TNFRSF13B: variants seen among roughly 807,000 people sequenced by gnomAD.
TNFRSF13B encodes TNF receptor superfamily member 13B, also known as tumor necrosis factor receptor superfamily member 13B.
TNFRSF13B carries 34 observed loss-of-function variants against 24.0 expected under a neutral mutation model. The ratio of observed to expected loss-of-function variants is 1.41; its 90% confidence interval spans 1.08 to 1.88. The LOEUF (loss-of-function observed/expected upper bound fraction) is 1.88, where lower values mean the gene tolerates loss of function less well. Among genes scored for constraint, TNFRSF13B ranks in the 40% most tolerant of loss-of-function variants. The pLI is 0.00. For synonymous variants in TNFRSF13B, 173 were observed against 150.3 expected, an observed-to-expected ratio of 1.15 and a Z score of -1.10; for missense variants, 415 against 380.8, an observed-to-expected ratio of 1.09 and a Z score of -0.75.
chr17:16,943,570 G>A (rs535194999), intron 3 of TNFRSF13B, among the ~76,000 whole-genome samples: 18 of 152,222 alleles, frequency 1.2e-4, no homozygotes, highest in Middle Eastern at 6.8e-3. Flanking sequence ...CCATCCAGGG[G>A]CAACAGAGAG....
At position 16,939,272 on chromosome 17, in the gene TNFRSF13B, T is replaced by TCTCTCTGCCTCTCTCCCTCTCTGC; in HGVS notation, c.*251_*274dup. 1 of 430,380 alleles carries TCTCTCTGCCTCTCTCCCTCTCTGC rather than the reference T, an allele frequency of 2.3e-6. No individual in the cohort carries two copies. The highest frequency in any genetic ancestry group is 4.2e-6 in the Non-Finnish European group (1 of 240,796). The allele number at this position is 430,380 out of a possible 1,614,324, so 26.7% of individuals were successfully genotyped here. A position where few individuals can be genotyped will look rare whatever the true frequency, so the allele number is the denominator to read the frequency against. On this transcript the variant is annotated 3_prime_UTR_variant, in exon 5 of 5. Coordinates refer to ENST00000261652, the MANE Select transcript of TNFRSF13B (RefSeq NM_012452.3). ...CTCTCTGTCCCTCTCTCCCTCTCTGTCTCTCTGCCTCTCTCCCTCTCTGCC... is the reference window on the plus strand; with the variant it reads ...CTCTCTGTCCCTCTCTCCCTCTCTGTCTCTCTGCCTCTCTCCCTCTCTGCCTCTCTGCCTCTCTCCCTCTCTGCC...
chr17:16,948,968 C>T lies in TNFRSF13B; in HGVS notation c.215G>A (p.Arg72His), dbSNP rs55916807. The change falls in exon 3 of 5, where the codon CGC becomes CAC. Residue 72 changes from arginine (R) to histidine (H), a missense_variant. Arg to His is a conservative substitution (Grantham distance 29). Transcript: ENST00000261652. ...GTCATAGAACTTGCCTTGCTCCTTG[C>T]GGCAGCTGAGTGACCCTGGGAGAGA... ...CAAFCRSLSC[R>H]KEQGKFYDHL... 3.6e-3 allele frequency: 5,767 copies of T among 1,614,006 alleles called. 15 individuals are homozygous for T. Among genetic ancestry groups the T allele is most frequent in the Non-Finnish European group, 4.5e-3 (5,317 of 1,180,012 alleles).
At chr17:16,958,297 T>C (rs2087638331) in intron 1 of TNFRSF13B, among the ~76,000 whole-genome samples, 1 of 151,610 alleles carries the variant, frequency 6.6e-6, no homozygotes, top group South Asian at 2.1e-4. Flanking sequence ...AATACAAAAA[T>C]GAAGTAATTG....
At chr17:16,966,306 C>T (rs1355791240) in intron 1 of TNFRSF13B, among the ~76,000 whole-genome samples, 1 of 151,374 alleles carries the variant, frequency 6.6e-6, no homozygotes, top group Non-Finnish European at 1.5e-5. Context: ...AACAAAAACC[C>T]CAAAACTTCT....
chr17:16,946,533 T>G (rs2087548982), intron 3 of TNFRSF13B, among the ~76,000 whole-genome samples: 1 of 151,960 alleles, frequency 6.6e-6, no homozygotes, highest in Admixed American at 6.5e-5. Flanking sequence ...AGCCATAAGT[T>G]TTTTCATTTT....
Position 16,958,530 on chromosome 17 carries a change from C to T in TNFRSF13B, c.62-5947G>A, listed in dbSNP as rs190421862. On this transcript the variant is annotated intron_variant, in intron 1 of 4. Coordinates refer to ENST00000261652, the MANE Select transcript of TNFRSF13B (RefSeq NM_012452.3). ...AAAGCCAGAATTATTTTACTTTTTG[C>T]GTGGTTTGTAACTCCAATTTTTTCC... 1.4e-4 allele frequency among the ~76,000 whole-genome samples: 21 copies of T among 151,696 alleles called. No homozygotes were observed. The East Asian group carries it at 3.1e-3, about 22-fold the overall frequency.
intron 1 of TNFRSF13B, among the ~76,000 whole-genome samples, chr17:16,960,341 A>G (rs1007573544): frequency 6.6e-6 from 1 of 152,190 alleles, no homozygotes; most frequent in Non-Finnish European, 1.5e-5. Flanking sequence ...AGGCCAGGAT[A>G]CACACATTTG....
At chr17:16,940,616 C>G (rs2087503594) in intron 3 of TNFRSF13B, 105 bp from the exon 4 acceptor site, 2 of 1,532,170 alleles carry the variant, frequency 1.3e-6, no homozygotes, top group Non-Finnish European at 1.8e-6. Flanking sequence ...GCCTGTCTGG[C>G]TCCTGGAGAG....
rs570318673 is a variant in TNFRSF13B at position 16,953,055 on chromosome 17, T to G, written c.62-472A>C. 6.7e-4 allele frequency among the ~76,000 whole-genome samples: 102 copies of G among 152,344 alleles called. 1 individual carries two copies. Among genetic ancestry groups the G allele is most frequent in the Admixed American group, 2.5e-3 (38 of 15,298 alleles). ...CACCCCCTAGACTAGGACACGGTCC[T>G]TCTTCTACACACTCGCACTGCCCTT... On this transcript the variant is annotated intron_variant, in intron 1 of 4. Transcript: ENST00000261652.
At chr17:16,956,617 A>G (rs2087626560) in intron 1 of TNFRSF13B, among the ~76,000 whole-genome samples, 1 of 152,226 alleles carries the variant, frequency 6.6e-6, no homozygotes, top group Non-Finnish European at 1.5e-5. Context: ...AGCAACCAAA[A>G]TGTCCTTCAG....
intron 1 of TNFRSF13B, among the ~76,000 whole-genome samples, chr17:16,962,283 G>C (rs1255697522): frequency 6.7e-6 from 1 of 149,940 alleles, no homozygotes; most frequent in South Asian, 2.1e-4. Flanking sequence ...AAGGCAGGTG[G>C]ATCATTTGAG....
At chr17:16,963,810 A>G (rs1448285661) in intron 1 of TNFRSF13B, among the ~76,000 whole-genome samples, 1 of 152,188 alleles carries the variant, frequency 6.6e-6, no homozygotes, top group Non-Finnish European at 1.5e-5. Context: ...TCGGCCTCCC[A>G]AAGTGCTGGG....
chr17:16,962,060 A>G (rs2087666107), intron 1 of TNFRSF13B, among the ~76,000 whole-genome samples: 1 of 152,228 alleles, frequency 6.6e-6, no homozygotes, highest in African/African-American at 2.4e-5. Context: ...CTAAAATGGA[A>G]GAAGGGTAAA....
In TNFRSF13B at chr17:16,958,271, C is replaced by CA. The variant is rs1028645668; in HGVS notation, c.62-5689dup. Among the ~76,000 whole-genome samples, 28 of 151,322 alleles carry CA rather than the reference C, an allele frequency of 1.9e-4. No homozygotes were observed. In the East Asian group the frequency reaches 4.6e-3, roughly 25 times the overall value. ...AAAAGGGACTCAAAGTGGCCCACTA[C>CA]AAAAAAAATGAACAAAATACAAAAA... is the stretch of plus-strand genomic sequence containing the variant. On this transcript the variant is annotated intron_variant, in intron 1 of 4. Coordinates refer to ENST00000261652, the MANE Select transcript of TNFRSF13B (RefSeq NM_012452.3).
At chr17:16,946,572 T>A (rs993604877) in intron 3 of TNFRSF13B, among the ~76,000 whole-genome samples, 1 of 138,390 alleles carries the variant, frequency 7.2e-6, no homozygotes, top group Non-Finnish European at 1.6e-5. Flanking sequence ...ATTTTTATTT[T>A]TATTTTTATT....
intron 1 of TNFRSF13B, among the ~76,000 whole-genome samples, chr17:16,965,223 C>T (rs957485733): frequency 6.6e-6 from 1 of 152,050 alleles, no homozygotes; most frequent in Non-Finnish European, 1.5e-5. Flanking sequence ...TCTTTCCCCT[C>T]AGCTTCCCAA....
rs1364344942 is a variant in TNFRSF13B at position 16,948,885 on chromosome 17, A to G, written c.298T>C (p.Cys100Arg). Residue 100 changes from cysteine to arginine, a missense_variant, in exon 3 of 5, where the codon TGT (cysteine) becomes CGT (arginine). By Grantham distance (180) the Cys-to-Arg change is radical. Transcript: ENST00000261652. ...ASICGQHPKQCAYFCENKLRS... is the reference protein window; with the variant it reads ...ASICGQHPKQRAYFCENKLRS... ...AGCTTGTTCTCACAGAAGTATGCACATTGCTTAGGGTGCTGTCCACAGATG... is the reference window on the plus strand; with the variant it reads ...AGCTTGTTCTCACAGAAGTATGCACGTTGCTTAGGGTGCTGTCCACAGATG... The G allele has an allele frequency of 6.2e-7, 1 of 1,614,196 alleles. No individual in the cohort carries two copies. Among genetic ancestry groups the G allele is most frequent in the African/African-American group, 1.3e-5 (1 of 75,056 alleles).
chr17:16,968,443 C>T (rs1235738760), intron 1 of TNFRSF13B, among the ~76,000 whole-genome samples: 2 of 152,102 alleles, frequency 1.3e-5, no homozygotes, highest in Admixed American at 6.5e-5. Context: ...ACAAGGATAC[C>T]CAGACTATTC....
At chr17:16,953,078 C>CTT (rs2087601490) in intron 1 of TNFRSF13B, among the ~76,000 whole-genome samples, 4 of 152,216 alleles carry the variant, frequency 2.6e-5, no homozygotes, top group African/African-American at 9.7e-5. Flanking sequence ...TCGCACTGCC[C>CTT]TTTACCTGTT....
Sources: allele counts gnomAD v4.1 joint callset (sites outside exome capture counted in the v4.1 genomes callset), GRCh38; gene constraint gnomAD v4.1.1; transcripts MANE v1.5; gene names NCBI Gene and HGNC (gene_info 2026-07-23, HGNC 2026-07-21).